KIDINS220: variants seen among roughly 807,000 people sequenced by gnomAD.
KIDINS220 encodes the protein kinase D interacting substrate 220.
KIDINS220 carries 63 observed loss-of-function variants against 157.6 expected under a neutral mutation model. The ratio of observed to expected loss-of-function variants is 0.40; its 90% CI spans 0.33 to 0.49. The LOEUF (loss-of-function observed/expected upper bound fraction) is 0.49, where lower values mean the gene tolerates loss of function less well. KIDINS220 is among the 20% of genes least tolerant of loss of function. The pLI, the probability that KIDINS220 is intolerant of heterozygous loss-of-function variation, is 0.66. For synonymous variants in KIDINS220, 732 were observed against 783.6 expected (o/e 0.93, Z 1.10); for missense variants, 1,772 against 2,171.2 (o/e 0.82, Z 3.65).
chr2:8,784,189 C>CAA (rs796082514), intron 17 of KIDINS220, among the ~76,000 whole-genome samples: 2 of 103,450 alleles, frequency 1.9e-5, no homozygotes, highest in African/African-American at 6.7e-5. Flanking sequence ...CAACTGGAAA[C>CAA]AAAAAAAAAA....
At chr2:8,809,881 C>T (rs1425475030) in intron 6 of KIDINS220, among the ~76,000 whole-genome samples, 2 of 152,038 alleles carry the variant, frequency 1.3e-5, no homozygotes, top group Admixed American at 6.6e-5. Context: ...TACTTAAAAC[C>T]CCCAGTGATT....
At chr2:8,754,370 G>A (rs1365148058) in intron 22 of KIDINS220, among the ~76,000 whole-genome samples, 1 of 152,150 alleles carries the variant, frequency 6.6e-6, no homozygotes, top group African/African-American at 2.4e-5. Context: ...TTTGGCAGTG[G>A]GCCATCAAAA....
intron 26 of KIDINS220, among the ~76,000 whole-genome samples, chr2:8,741,433 T>C (rs1178889838): frequency 1.3e-5 from 2 of 152,048 alleles, no homozygotes; most frequent in African/African-American, 4.8e-5. Flanking sequence ...TGGGCTAATT[T>C]TTCACTGTGC....
rs1011000747 is a variant in KIDINS220 at position 8,750,235 on chromosome 2, C to T, written c.3291G>A (p.Gln1097=). The change falls in exon 24 of 30, where the codon CAG becomes CAA. Residue 1097 remains glutamine, a synonymous_variant. Coordinates refer to ENST00000256707, the MANE Select transcript of KIDINS220 (RefSeq NM_020738.4). Reference sequence around the variant, plus strand: ...ACGTGGAAGAGCACACGGATGGGGGCTGGCTGTACCCTGATGGCGCCCTAG... The same window carrying T: ...ACGTGGAAGAGCACACGGATGGGGGTTGGCTGTACCCTGATGGCGCCCTAG... ...GPPRAPSGYS[Q]PPSVCSSTSF... 6 of 1,614,038 alleles carry T rather than the reference C, an allele frequency of 3.7e-6. No homozygotes were observed. The African/African-American group carries it at 8.0e-5, about 22-fold the overall frequency.
chr2:8,760,156 T>C (rs1251741114), intron 22 of KIDINS220, among the ~76,000 whole-genome samples: 1 of 152,242 alleles, frequency 6.6e-6, no homozygotes, highest in Admixed American at 6.5e-5. Flanking sequence ...TTTAACAAAT[T>C]GAAGAAGATC....
downstream of KIDINS220, among the ~76,000 whole-genome samples, chr2:8,727,435 A>G (rs922663640): frequency 6.6e-6 from 1 of 152,164 alleles, no homozygotes; most frequent in Non-Finnish European, 1.5e-5. Flanking sequence ...GGTTGATTTT[A>G]CTCAGGAGTT....
Position 8,754,201 on chromosome 2 carries a change from T to A in KIDINS220, c.3012-2557A>T, listed in dbSNP as rs77583451. 4.9e-4 allele frequency among the ~76,000 whole-genome samples: 75 copies of A among 152,350 alleles called. No individual in the cohort carries two copies. In the East Asian group the frequency reaches 0.013, roughly 27 times the overall value. On this transcript the variant is annotated intron_variant, in intron 22 of 29. Transcript: ENST00000256707. The stretch of plus-strand genomic sequence containing the variant: ...TGCATTTTAATGCCAGCTCTGCTTC[T>A]GCCTGAATGCAACAGTGTTCTCAGT...
intron 21 of KIDINS220, among the ~76,000 whole-genome samples, chr2:8,775,871 C>A (rs1296073468): frequency 6.6e-6 from 1 of 152,126 alleles, no homozygotes; most frequent in Non-Finnish European, 1.5e-5. Flanking sequence ...CATTCTGTGA[C>A]GTTATATCTT....
At chr2:8,817,175 TTC>T (rs1336239085) in intron 4 of KIDINS220, among the ~76,000 whole-genome samples, 5 of 152,356 alleles carry the variant, frequency 3.3e-5, no homozygotes, top group Non-Finnish European at 5.9e-5. Context: ...CTTGTTAAAC[TTC>T]TGTCATGCAC....
At chr2:8,825,241 C>A (rs1386701284) in intron 2 of KIDINS220, among the ~76,000 whole-genome samples, 3 of 151,602 alleles carry the variant, frequency 2.0e-5, no homozygotes, top group Non-Finnish European at 2.9e-5. Flanking sequence ...GGTGTGGTGG[C>A]GCACGACTGT....
intron 26 of KIDINS220, among the ~76,000 whole-genome samples, chr2:8,738,628 C>T (rs1665213640): frequency 1.3e-5 from 2 of 152,104 alleles, no homozygotes; most frequent in African/African-American, 4.8e-5. Context: ...AATTGAGGGA[C>T]GTTCTACAAA....
At chr2:8,735,790 A>G (rs765445995) in intron 27 of KIDINS220, among the ~76,000 whole-genome samples, 10 of 152,240 alleles carry the variant, frequency 6.6e-5, no homozygotes, top group Admixed American at 3.9e-4. Context: ...TCCTGCTGCA[A>G]CAATGCCGCG....
chr2:8,799,503 A>G (rs1239915331), intron 9 of KIDINS220, among the ~76,000 whole-genome samples: 2 of 152,168 alleles, frequency 1.3e-5, no homozygotes, highest in African/African-American at 2.4e-5. Context: ...CAAAAGCCCC[A>G]GACCTTAAGG....
chr2:8,752,058 C>T (rs1351438308), intron 22 of KIDINS220, among the ~76,000 whole-genome samples: 3 of 151,790 alleles, frequency 2.0e-5, no homozygotes, highest in Non-Finnish European at 4.4e-5. Flanking sequence ...TCTTGTTCTG[C>T]CACCCAGGCT....
chr2:8,808,544 C>T (rs1675834470), intron 6 of KIDINS220, among the ~76,000 whole-genome samples: 1 of 152,224 alleles, frequency 6.6e-6, no homozygotes, highest in Non-Finnish European at 1.5e-5. Context: ...GAATTCCTGA[C>T]ATCCAGCAAG....
Position 8,800,486 on chromosome 2 carries a change from C to T in KIDINS220, c.814G>A (p.Val272Met). The part of the protein sequence containing the change: ...VNIPDRSGDT[V>M]LIGAVRGGHV... The stretch of plus-strand genomic sequence containing the variant: ...CCACCTCTGACAGCGCCAATCAACA[C>T]AGTATCCCCACTCTAAGAAGACAGA... Residue 272 changes from valine to methionine, a missense_variant, in exon 9 of 30, where the codon GTG (valine) becomes ATG (methionine). Val to Met is a conservative substitution (Grantham distance 21, BLOSUM62 1). This residue lies in a region of KIDINS220 where 725 missense variants were observed against 1,017.1 expected (regional missense o/e 0.71). Coordinates refer to ENST00000256707, the MANE Select transcript of KIDINS220 (RefSeq NM_020738.4). The T allele has an allele frequency of 6.2e-7, 1 of 1,609,040 alleles. No homozygotes were observed. Among genetic ancestry groups the T allele is most frequent in the Non-Finnish European group, 8.5e-7 (1 of 1,177,944 alleles).
chr2:8,798,073 A>C (rs1317062925), intron 10 of KIDINS220, 129 bp downstream of exon 10: 4 of 589,012 alleles, frequency 6.8e-6, no homozygotes, highest in Non-Finnish European at 1.2e-5. Flanking sequence ...GTTACTCCTC[A>C]ATGTGATAGA....
At chr2:8,783,761 A>G (rs930203875) in intron 17 of KIDINS220, among the ~76,000 whole-genome samples, 2 of 152,224 alleles carry the variant, frequency 1.3e-5, no homozygotes, top group Admixed American at 6.5e-5. Flanking sequence ...CAAAATATGT[A>G]TAAGATCTAT....
chr2:8,729,259 A>G lies in KIDINS220; in HGVS notation c.*1461T>C, dbSNP rs1663701649. The G allele has an allele frequency of 2.0e-6, 2 of 985,366 alleles. No homozygotes were observed. The highest frequency in any genetic ancestry group is 2.4e-6 in the Non-Finnish European group (2 of 829,838). 61.0% of individuals were successfully genotyped at this position (985,366 alleles called of 1,614,324 possible). ...ACATCAAGGCAATGAAACACAAAAG[A>G]GCAACTATTTAGCACAATGACTGGC... On this transcript the variant is annotated 3_prime_UTR_variant, in exon 30 of 30. Transcript: ENST00000256707.
Sources: gnomAD v4.1 joint callset for allele counts (sites outside exome capture counted in the v4.1 genomes callset) on GRCh38, gnomAD v4.1.1 for gene constraint, gnomAD v4.1.1 regional missense constraint, MANE v1.5 for transcripts, NCBI Gene and HGNC (gene_info 2026-07-23, HGNC 2026-07-21) for gene names.